NIPAL2: variants seen among roughly 807,000 people sequenced by gnomAD.
NIPAL2 encodes the protein NIPA like domain containing 2.
A neutral mutation model predicts 48.9 loss-of-function variants in NIPAL2; 43 were observed. The observed-to-expected ratio is 0.88, with a 90% CI of 0.69 to 1.13. The LOEUF is 1.13. Among genes scored for constraint, NIPAL2 ranks in the 50% most tolerant of loss-of-function variants. The pLI, the probability that NIPAL2 is intolerant of heterozygous loss-of-function variation, is 0.00. For missense variants in NIPAL2, 446 were observed against 461.4 expected (o/e 0.97, Z 0.31); for synonymous variants, 167 against 174.6 (o/e 0.96, Z 0.34).
At chr8:98,291,725 C>A (rs1816497923) in intron 1 of NIPAL2, among the ~76,000 whole-genome samples, 1 of 152,210 alleles carries the variant, frequency 6.6e-6, no homozygotes, top group Non-Finnish European at 1.5e-5. Flanking sequence ...CCTGTCACAA[C>A]TCCATCACTT....
chr8:98,269,415 C>G (rs919388058), intron 1 of NIPAL2, among the ~76,000 whole-genome samples: 4 of 152,148 alleles, frequency 2.6e-5, no homozygotes, highest in African/African-American at 7.2e-5. Context: ...TGTTAGTGGG[C>G]ATGAAAACAA....
chr8:98,235,865 G>T lies in NIPAL2; in HGVS notation c.436+290C>A, dbSNP rs957145327. On this transcript the variant is annotated intron_variant, in intron 4 of 10. Coordinates refer to ENST00000430223, the MANE Select transcript of NIPAL2 (RefSeq NM_001321635.2). Reference sequence around the variant, plus strand: ...TTATAATAATATAATCCCTTCAACTGATTAATATTATAATCATAAATTATT... The same window carrying T: ...TTATAATAATATAATCCCTTCAACTTATTAATATTATAATCATAAATTATT... Among the ~76,000 whole-genome samples, 7 of 151,132 alleles carry T rather than the reference G, an allele frequency of 4.6e-5. No homozygotes were observed. In the South Asian group the frequency reaches 8.3e-4, roughly 18 times the overall value.
chr8:98,291,166 T>C (rs907654613), intron 1 of NIPAL2, among the ~76,000 whole-genome samples: 20 of 152,168 alleles, frequency 1.3e-4, no homozygotes, highest in Non-Finnish European at 2.8e-4. Flanking sequence ...TTGTCACCAG[T>C]CCTTCAAAGC....
rs534079673 is a variant in NIPAL2, at chr8:98,199,807, A to G, written c.880+3301T>C. Among the ~76,000 whole-genome samples, 53 of 152,318 alleles carry G rather than the reference A, an allele frequency of 3.5e-4. 1 individual carries two copies. The highest frequency in any genetic ancestry group is 1.2e-3 in the African/African-American group (48 of 41,572). On this transcript the variant is annotated intron_variant, in intron 8 of 10. Transcript: ENST00000430223. ...AAACCTTCAATTTGTAAAAAATGCA[A>G]TATCTGCAGAGCACAATAAAATGCG...
At chr8:98,220,307 G>A (rs1811790846) in intron 5 of NIPAL2, among the ~76,000 whole-genome samples, 1 of 152,098 alleles carries the variant, frequency 6.6e-6, no homozygotes, top group African/African-American at 2.4e-5. Flanking sequence ...GGCATATAAA[G>A]TAGGATCATA....
intron 4 of NIPAL2, among the ~76,000 whole-genome samples, chr8:98,235,419 T>C (rs989477201): frequency 6.6e-6 from 1 of 152,364 alleles, no homozygotes; most frequent in South Asian, 2.1e-4. Flanking sequence ...AATAACTGTA[T>C]TTCCAAATAA....
At chr8:98,283,003 GC>G (rs1815938256) in intron 1 of NIPAL2, among the ~76,000 whole-genome samples, 1 of 152,168 alleles carries the variant, frequency 6.6e-6, no homozygotes, top group Admixed American at 6.5e-5. Flanking sequence ...TTATTTAAAA[GC>G]CAACATAAAG....
rs1023817256 is a variant in NIPAL2 at position 98,222,685 on chromosome 8, T to C, written c.437-85A>G. 11 of 1,375,822 alleles carry C rather than the reference T, an allele frequency of 8.0e-6. No individual in the cohort carries two copies. In the Admixed American group the frequency reaches 9.4e-5, roughly 12 times the overall value. 85.2% of individuals were successfully genotyped at this position (1,375,822 alleles called of 1,614,324 possible). A position where few individuals can be genotyped will look rare whatever the true frequency, so the allele number is the denominator to read the frequency against. ...CAGACATTGCCTAGAGACTGCGCAT[T>C]ACTTGTAAAAGTGCCAATCGCCCCT... On this transcript the variant is annotated intron_variant, in intron 4 of 10. Transcript: ENST00000430223.
At chr8:98,253,917 TG>T in intron 2 of NIPAL2, 101 bp downstream of exon 2, 1 of 641,774 alleles carries the variant, frequency 1.6e-6, no homozygotes, top group Non-Finnish European at 2.7e-6. Context: ...ATAATTTTTA[TG>T]GAGAAAAGAG....
intron 4 of NIPAL2, among the ~76,000 whole-genome samples, chr8:98,228,230 C>A (rs1366755684): frequency 2.3e-4 from 35 of 152,160 alleles, no homozygotes; most frequent in South Asian, 1.9e-3. Flanking sequence ...TACGAAGGTG[C>A]TTTTTTCGTG....
At chr8:98,198,946 T>C (rs969234924) in intron 8 of NIPAL2, among the ~76,000 whole-genome samples, 1 of 151,958 alleles carries the variant, frequency 6.6e-6, no homozygotes, top group Non-Finnish European at 1.5e-5. Flanking sequence ...TTTTTTCTTT[T>C]TCTTTTTCTT....
At chr8:98,214,853 T>C (rs1465157504) in intron 5 of NIPAL2, among the ~76,000 whole-genome samples, 2 of 152,242 alleles carry the variant, frequency 1.3e-5, no homozygotes, top group Non-Finnish European at 2.9e-5. Context: ...TGCCAGACCT[T>C]TGATTTAATT....
At chr8:98,264,809 G>A (rs1814603873) in intron 1 of NIPAL2, among the ~76,000 whole-genome samples, 1 of 152,188 alleles carries the variant, frequency 6.6e-6, no homozygotes, top group African/African-American at 2.4e-5. Flanking sequence ...CCAAAAAGGA[G>A]CCTGCATTGC....
rs116128305 is a variant in NIPAL2 at position 98,226,978 on chromosome 8, A to C, written c.437-4378T>G. On this transcript the variant is annotated intron_variant, in intron 4 of 10. Transcript: ENST00000430223. The stretch of plus-strand genomic sequence containing the variant: ...GCAGCTAGGCTGACACCAAAACCAC[A>C]AGACAAAGTCTTTTCTACTTGTCCC... 5.8e-3 allele frequency among the ~76,000 whole-genome samples: 890 copies of C among 152,238 alleles called. 11 individuals carry two copies. The highest frequency in any genetic ancestry group is 0.021 in the African/African-American group (852 of 41,548).
intron 5 of NIPAL2, among the ~76,000 whole-genome samples, chr8:98,217,987 T>A (rs776755134): frequency 8.5e-5 from 13 of 152,242 alleles, no homozygotes; most frequent in Non-Finnish European, 1.6e-4. Flanking sequence ...GAGTTGATTT[T>A]GGAAAAATGG....
intron 1 of NIPAL2, among the ~76,000 whole-genome samples, chr8:98,280,771 G>T (rs1160694626): frequency 5.0e-4 from 47 of 94,804 alleles, no homozygotes; most frequent in South Asian, 6.7e-4. Flanking sequence ...TAGAGAGAGA[G>T]AGAGAGAGAG....
At chr8:98,201,254 C>G (rs886896609) in intron 8 of NIPAL2, among the ~76,000 whole-genome samples, 10 of 152,164 alleles carry the variant, frequency 6.6e-5, no homozygotes, top group African/African-American at 1.7e-4. Context: ...TTCCACTCAC[C>G]AATAACATCA....
chr8:98,219,031 T>C (rs890947145), intron 5 of NIPAL2, among the ~76,000 whole-genome samples: 1 of 152,168 alleles, frequency 6.6e-6, no homozygotes, highest in African/African-American at 2.4e-5. Flanking sequence ...CAAGAGACTT[T>C]ACATTTCCAA....
intron 5 of NIPAL2, among the ~76,000 whole-genome samples, chr8:98,219,989 A>C (rs537722456): frequency 6.6e-6 from 1 of 152,124 alleles, no homozygotes; most frequent in East Asian, 1.9e-4. Context: ...CTTGGTATAA[A>C]TGGCAGGAGG....
Sources: gnomAD v4.1 joint callset for allele counts (sites outside exome capture counted in the v4.1 genomes callset) on GRCh38, gnomAD v4.1.1 for gene constraint, MANE v1.5 for transcripts, NCBI Gene and HGNC (gene_info 2026-07-23, HGNC 2026-07-21) for gene names.